The following JAZF1 variants were observed in gnomAD, a reference collection of about 807,000 sequenced individuals.
JAZF1 encodes the protein JAZF zinc finger 1, also known as juxtaposed with another zinc finger protein 1.
In JAZF1, 8 loss-of-function variants were observed where a neutral mutation model predicts 26.4. The observed-to-expected ratio is 0.30, with a 90% CI of 0.18 to 0.55. The LOEUF (loss-of-function observed/expected upper bound fraction) is 0.55. JAZF1 is among the 20% of genes least tolerant of loss of function. The probability of loss-of-function intolerance (pLI) is 0.94; values close to 1 mark genes in which losing one functional copy is unlikely to be tolerated. For synonymous variants in JAZF1, 126 were observed against 122.3 expected, an observed-to-expected ratio of 1.03 and a Z score of -0.20; for missense variants, 199 against 322.0, an observed-to-expected ratio of 0.62 and a Z score of 2.92.
intron 1 of JAZF1, among the ~76,000 whole-genome samples, chr7:28,173,650 T>C (rs1037036886): frequency 1.3e-5 from 2 of 151,926 alleles, no homozygotes; most frequent in Non-Finnish European, 2.9e-5. Context: ...AAAGTCACCA[T>C]TGTAGTCTGG....
chr7:27,956,361 C>T (rs1481961354), intron 2 of JAZF1, among the ~76,000 whole-genome samples: 3 of 152,178 alleles, frequency 2.0e-5, no homozygotes, highest in Non-Finnish European at 4.4e-5. Context: ...TGCCAGGTGA[C>T]CAAAGACCCC....
At chr7:28,156,425 C>T (rs1057060116) in intron 1 of JAZF1, among the ~76,000 whole-genome samples, 1 of 152,186 alleles carries the variant, frequency 6.6e-6, no homozygotes, top group Non-Finnish European at 1.5e-5. Flanking sequence ...TCTATTTTGA[C>T]TTGTGTACAT....
chr7:28,179,322 A>G (rs531055742), intron 1 of JAZF1, among the ~76,000 whole-genome samples: 5 of 152,134 alleles, frequency 3.3e-5, no homozygotes, highest in Non-Finnish European at 7.4e-5. Context: ...TCCGAATAGA[A>G]GTGTGAAAAT....
chr7:28,031,312 T>C lies in JAZF1; in HGVS notation c.116-39331A>G, dbSNP rs1471405574. Among the ~76,000 whole-genome samples the C allele has an allele frequency of 2.0e-5, 3 of 152,294 alleles. No individual in the cohort carries two copies. In the East Asian group the frequency reaches 5.8e-4, roughly 29 times the overall value. On this transcript the variant is annotated intron_variant, in intron 1 of 4. Coordinates refer to ENST00000283928, the MANE Select transcript of JAZF1 (RefSeq NM_175061.4). ...TCTTTCTGATGGCCATTTCTGCCTG[T>C]GTGTCTAACACAGTGAACGTTCATA...
intron 3 of JAZF1, chr7:27,863,971 C>T (rs1447018705): frequency 3.3e-5 from 5 of 152,222 alleles, no homozygotes; most frequent in African/African-American, 1.2e-4. Flanking sequence ...TGGCACTTCC[C>T]GCTAGGTCAA....
chr7:28,139,523 G>C (rs1448169076), intron 1 of JAZF1, among the ~76,000 whole-genome samples: 2 of 152,194 alleles, frequency 1.3e-5, no homozygotes, highest in Non-Finnish European at 2.9e-5. Context: ...ATGAAGACTG[G>C]AGTTATGCTG....
At chr7:28,037,674 C>G (rs1329306035) in intron 1 of JAZF1, among the ~76,000 whole-genome samples, 1 of 152,172 alleles carries the variant, frequency 6.6e-6, no homozygotes, top group Non-Finnish European at 1.5e-5. Context: ...AAACTGGGCT[C>G]AGGTTGAACA....
At chr7:27,988,077 G>T (rs1427787791) in intron 2 of JAZF1, among the ~76,000 whole-genome samples, 1 of 151,892 alleles carries the variant, frequency 6.6e-6, no homozygotes, top group Non-Finnish European at 1.5e-5. Flanking sequence ...CTCTGCCTAG[G>T]AAAACCAGAG....
chr7:27,842,311 G>A (rs1044682192), intron 3 of JAZF1: 9 of 152,108 alleles, frequency 5.9e-5, no homozygotes, highest in African/African-American at 1.4e-4. Context: ...AGGTTAAAAC[G>A]CGCATGTGTT....
At chr7:28,058,175 T>C (rs563394046) in intron 1 of JAZF1, among the ~76,000 whole-genome samples, 12 of 152,242 alleles carry the variant, frequency 7.9e-5, no homozygotes, top group African/African-American at 2.4e-4. Context: ...TCTGAAGCCC[T>C]GGAGCAGAAG....
intron 1 of JAZF1, among the ~76,000 whole-genome samples, chr7:28,001,355 A>ACAAAAC (rs201541163): frequency 0.032 from 4,808 of 152,146 alleles, 92 homozygotes; most frequent in South Asian, 0.072. Flanking sequence ...CTGTCTCAAA[A>ACAAAAC]AAAACAAAAC....
intron 1 of JAZF1, among the ~76,000 whole-genome samples, chr7:28,077,617 A>G (rs1784072310): frequency 6.6e-6 from 1 of 152,174 alleles, no homozygotes; most frequent in Non-Finnish European, 1.5e-5. Context: ...TAAATTTGGT[A>G]TATAAGTCCT....
At chr7:28,120,000 T>C (rs111929010) in intron 1 of JAZF1, among the ~76,000 whole-genome samples, 322 of 152,268 alleles carry the variant, frequency 2.1e-3, no homozygotes, top group Middle Eastern at 0.01. Flanking sequence ...GCAAGACAGA[T>C]GTAGTCTTTT....
At chr7:28,000,620 TTC>T (rs1377556602) in intron 1 of JAZF1, among the ~76,000 whole-genome samples, 10 of 106,896 alleles carry the variant, frequency 9.4e-5, no homozygotes, top group African/African-American at 2.3e-4. Context: ...CTTTCTTTCT[TTC>T]TTTTTTTTTT....
intron 1 of JAZF1, among the ~76,000 whole-genome samples, chr7:28,117,520 T>C (rs926533841): frequency 3.9e-5 from 6 of 152,198 alleles, no homozygotes; most frequent in African/African-American, 1.4e-4. Flanking sequence ...ATTGATCAGG[T>C]TGGAGTTTAT....
intron 1 of JAZF1, among the ~76,000 whole-genome samples, chr7:28,069,667 G>T (rs575455895): frequency 1.3e-5 from 2 of 152,102 alleles, no homozygotes; most frequent in Admixed American, 6.6e-5. Context: ...TGACCTAAGG[G>T]GGGAGAAAAC....
intron 1 of JAZF1, among the ~76,000 whole-genome samples, chr7:28,166,814 G>C (rs1042158486): frequency 6.6e-6 from 1 of 152,070 alleles, no homozygotes; most frequent in Non-Finnish European, 1.5e-5. Context: ...GAATTCCTAC[G>C]ACCACTCAGT....
In JAZF1 at chr7:27,918,282, T is replaced by TA. The variant is rs531770079; in HGVS notation, c.189-22867dup. Among the ~76,000 whole-genome samples the TA allele has an allele frequency of 1.1e-4, 16 of 152,222 alleles. No homozygotes were observed. The East Asian group carries it at 2.9e-3, about 28-fold the overall frequency. Reference sequence around the variant, plus strand: ...TTTCCTTTAAGCTCAAATGCCCCTTTAAAAAAAATCCTGATTACCCTTCAA... The same window carrying TA: ...TTTCCTTTAAGCTCAAATGCCCCTTTAAAAAAAAATCCTGATTACCCTTCAA... On this transcript the variant is annotated intron_variant, in intron 2 of 4. Transcript: ENST00000283928.
intron 1 of JAZF1, among the ~76,000 whole-genome samples, chr7:27,997,308 G>C (rs1001533568): frequency 6.6e-6 from 1 of 152,144 alleles, no homozygotes; most frequent in Non-Finnish European, 1.5e-5. Context: ...AACAATAGTG[G>C]AGGGAGGAGA....
Sources: allele counts gnomAD v4.1 joint callset (sites outside exome capture counted in the v4.1 genomes callset), GRCh38; gene constraint gnomAD v4.1.1; transcripts MANE v1.5; gene names NCBI Gene and HGNC (gene_info 2026-07-23, HGNC 2026-07-21).